TLCD3B: variants seen among roughly 807,000 people sequenced by gnomAD.
TLCD3B encodes ceramide synthase.
A neutral mutation model predicts 23.0 loss-of-function variants in TLCD3B; 9 were observed. The ratio of observed to expected loss-of-function variants is 0.39; its 90% CI spans 0.24 to 0.68. TLCD3B has a LOEUF of 0.68. Ranked by LOEUF, TLCD3B falls within the 30% of genes least tolerant of loss-of-function variation. The pLI is 0.44. For synonymous variants in TLCD3B, 161 were observed against 161.0 expected (o/e 1.00, Z 0.00); for missense variants, 307 against 371.8 (o/e 0.83, Z 1.43).
In TLCD3B at chr16:30,029,341, C is replaced by T; in HGVS notation, c.209+91G>A. ...AAGTTAAGGGCTTGGGGACCACAGA[C>T]AGAGTTCCCTCCAAGATGTGGGGTC... On this transcript the variant is annotated intron_variant, in intron 2 of 4. Coordinates refer to ENST00000380495, the MANE Select transcript of TLCD3B (RefSeq NM_031478.6). This position sits in a 1 kb window ranked among gnomAD's most constrained non-coding sequence, Gnocchi z 4.6. The T allele has an allele frequency of 8.5e-7, 1 of 1,177,222 alleles. No individual in the cohort carries two copies. Among genetic ancestry groups the T allele is most frequent in the Admixed American group, 1.9e-5 (1 of 52,254 alleles). 72.9% of individuals were successfully genotyped at this position (1,177,222 alleles called of 1,614,324 possible).
rs201365633 is a variant in TLCD3B at position 30,039,103 on chromosome 16, C to A, written c.-67+1892G>T. 6.7e-3 allele frequency among the ~76,000 whole-genome samples: 662 copies of A among 99,364 alleles called. 7 individuals carry two copies. The highest frequency in any genetic ancestry group is 9.8e-3 in the South Asian group (30 of 3,072). 65.2% of individuals were successfully genotyped at this position (99,364 alleles called of 152,430 possible). A position where few individuals can be genotyped will look rare whatever the true frequency, so the allele number is the denominator to read the frequency against. On this transcript the variant is annotated intron_variant, in intron 3 of 6. Coordinates refer to the TLCD3B transcript ENST00000561666. The stretch of plus-strand genomic sequence containing the variant: ...TTATCCTTCTCCTCCTCCTTCCTCT[C>A]TTTTTTTTTTTTTTTTTTTTTTTTT...
intron 2 of TLCD3B, among the ~76,000 whole-genome samples, chr16:30,042,157 T>C (rs1452946492): frequency 1.3e-5 from 2 of 152,178 alleles, no homozygotes; most frequent in African/African-American, 4.8e-5. Context: ...TTGGGGGCGA[T>C]ATTATACCAG....
rs1596729687 is a variant in TLCD3B, at chr16:30,025,350, C to T, written c.658G>A (p.Gly220Ser). 1.3e-5 allele frequency: 21 copies of T among 1,591,738 alleles called. No homozygotes were observed. The highest frequency in any genetic ancestry group is 2.7e-5 in the African/African-American group (2 of 74,374). Residue 220 changes from glycine to serine, a missense_variant, in exon 5 of 5, where the codon GGC becomes AGC. By Grantham distance (56) the Gly-to-Ser change is moderately conservative. Transcript: ENST00000380495. The surrounding 1 kb of genome is among the most constrained non-coding windows in gnomAD (Gnocchi z 4.1). ...YLYWAYGRHA[G>S]LPLLAVPLAI... ...AGGGGCACGGCCAGCAGGGGCAGGCCGGCATGGCGCCCGTAGGCCCAGTAC... is the reference window on the plus strand; with the variant it reads ...AGGGGCACGGCCAGCAGGGGCAGGCTGGCATGGCGCCCGTAGGCCCAGTAC...
chr16:30,049,251 C>A (rs1228176871), intron 1 of TLCD3B, among the ~76,000 whole-genome samples: 3 of 152,168 alleles, frequency 2.0e-5, no homozygotes, highest in African/African-American at 7.2e-5. Context: ...AGGGTAATTA[C>A]CTAAACACAA....
Position 30,025,694 on chromosome 16 carries a change from T to C in TLCD3B, c.540+32A>G, listed in dbSNP as rs373930637. 84 of 1,607,226 alleles carry C rather than the reference T, an allele frequency of 5.2e-5. No homozygotes were observed. The Admixed American group carries it at 1.1e-3, about 21-fold the overall frequency. ...CCCTCCCCTTCCTGTGACCTCCCCA[T>C]TGGGCTCCTGCACCCTCCCATGCTC... On this transcript the variant is annotated intron_variant, in intron 4 of 4. Coordinates refer to ENST00000380495, the MANE Select transcript of TLCD3B (RefSeq NM_031478.6). This position sits in a 1 kb window ranked among gnomAD's most constrained non-coding sequence, Gnocchi z 4.1.
At chr16:30,048,533 G>A (rs1330579404) in intron 1 of TLCD3B, among the ~76,000 whole-genome samples, 1 of 152,106 alleles carries the variant, frequency 6.6e-6, no homozygotes, top group Non-Finnish European at 1.5e-5. Context: ...TACAACTGAG[G>A]CTCAGTGAGG....
chr16:30,052,061 C>A (rs1469933429), intron 1 of TLCD3B, among the ~76,000 whole-genome samples: 1 of 151,992 alleles, frequency 6.6e-6, no homozygotes, highest in Non-Finnish European at 1.5e-5. Context: ...AGCAAGACCA[C>A]ATCTCTAAAA....
intron 1 of TLCD3B, among the ~76,000 whole-genome samples, chr16:30,047,913 G>A (rs1252547640): frequency 1.3e-5 from 2 of 150,412 alleles, no homozygotes; most frequent in South Asian, 2.1e-4. Context: ...AGGCCAAGGC[G>A]GGTGAATTAC....
intron 3 of TLCD3B, among the ~76,000 whole-genome samples, chr16:30,037,993 A>G (rs2071506454): frequency 6.6e-6 from 1 of 152,202 alleles, no homozygotes; most frequent in African/African-American, 2.4e-5. Context: ...TGGGGAAGGT[A>G]TTGACTGGGA....
chr16:30,033,830 G>A (rs549768622), upstream of TLCD3B: 1 of 152,162 alleles, frequency 6.6e-6, no homozygotes, highest in African/African-American at 2.4e-5. Flanking sequence ...GCCGGACGTG[G>A]TGGTGCACAC....
intron 1 of TLCD3B, among the ~76,000 whole-genome samples, chr16:30,050,229 G>A (rs2071730181): frequency 1.3e-5 from 2 of 152,142 alleles, no homozygotes; most frequent in Non-Finnish European, 2.9e-5. Context: ...TGGTCCTCAG[G>A]ATTCCATCAG....
At position 30,029,957 on chromosome 16, in the gene TLCD3B, CTG is replaced by C; in HGVS notation, c.125+444_126-443del. The C allele has an allele frequency of 8.7e-7, 1 of 1,148,944 alleles. No individual in the cohort carries two copies. The highest frequency in any genetic ancestry group is 1.2e-6 in the Non-Finnish European group (1 of 845,574). The allele number at this position is 1,148,944 out of a possible 1,614,324, so 71.2% of individuals were successfully genotyped here. ...CCCGAGTTCCCCAGTCACTTTCCCA[CTG>C]TCTCCTGACTGCCACCAGCCTCCAC... is the stretch of plus-strand genomic sequence containing the variant. On this transcript the variant is annotated intron_variant, in intron 1 of 4. Coordinates refer to ENST00000380495, the MANE Select transcript of TLCD3B (RefSeq NM_031478.6). The surrounding 1 kb of genome is among the most constrained non-coding windows in gnomAD (Gnocchi z 4.6).
chr16:30,038,567 T>C (rs1312991116), intron 3 of TLCD3B, among the ~76,000 whole-genome samples: 1 of 152,126 alleles, frequency 6.6e-6, no homozygotes, highest in East Asian at 1.9e-4. Flanking sequence ...CTGACCAACA[T>C]GGTGAAACCC....
rs1250288366 is a variant in TLCD3B, at chr16:30,030,752, T to G, written c.-225A>C. The G allele has an allele frequency of 2.1e-4, 188 of 890,840 alleles. No individual in the cohort carries two copies. The highest frequency in any genetic ancestry group is 1.5e-3 in the Middle Eastern group (3 of 1,980). The allele number at this position is 890,840 out of a possible 1,614,324, so 55.2% of individuals were successfully genotyped here. A position where few individuals can be genotyped will look rare whatever the true frequency, so the allele number is the denominator to read the frequency against. ...TGGGCAGAGACGGGGGAGGGGAGGA[T>G]GGGAGAAGGGGAGCAGGAGCAGGCC... On this transcript the variant is annotated 5_prime_UTR_variant, in exon 1 of 5. Transcript: ENST00000380495.
At chr16:30,049,889 A>G (rs1458074286) in intron 1 of TLCD3B, among the ~76,000 whole-genome samples, 3 of 150,940 alleles carry the variant, frequency 2.0e-5, no homozygotes. Context: ...GCACCACTGC[A>G]CTCTAGCGTG....
At chr16:30,028,485 G>A (rs1031941213) in intron 2 of TLCD3B, among the ~76,000 whole-genome samples, 3 of 152,136 alleles carry the variant, frequency 2.0e-5, no homozygotes, top group Non-Finnish European at 4.4e-5. Flanking sequence ...GAGGGAAGGG[G>A]TGGGCAGAGG....
In TLCD3B at chr16:30,025,954, C is replaced by T; in HGVS notation, c.445-133G>A. 1 of 699,742 alleles carries T rather than the reference C, an allele frequency of 1.4e-6. No individual in the cohort carries two copies. Among genetic ancestry groups the T allele is most frequent in the Non-Finnish European group, 2.4e-6 (1 of 411,114 alleles). 43.3% of individuals were successfully genotyped at this position (699,742 alleles called of 1,614,324 possible). On this transcript the variant is annotated intron_variant, in intron 3 of 4. Transcript: ENST00000380495. The surrounding 1 kb of genome is among the most constrained non-coding windows in gnomAD (Gnocchi z 4.1). ...AACATCAGAACACCTGGGTGCAGGG[C>T]TGGGTGCAGTGGCTCACGCCGGTAA...
At chr16:30,044,717 T>G (rs891517382) in intron 2 of TLCD3B, among the ~76,000 whole-genome samples, 3 of 152,190 alleles carry the variant, frequency 2.0e-5, no homozygotes, top group African/African-American at 7.2e-5. Flanking sequence ...ACACATTTTA[T>G]AACATTCTAG....
In TLCD3B at chr16:30,029,645, C is replaced by T. The variant is rs138610410; in HGVS notation, c.126-130G>A. 1.5e-5 allele frequency: 12 copies of T among 799,556 alleles called. No homozygotes were observed. The highest frequency in any genetic ancestry group is 1.1e-4 in the South Asian group (7 of 63,140). The allele number at this position is 799,556 out of a possible 1,614,324, so 49.5% of individuals were successfully genotyped here. ...TCTCGGGCCAGTCCTTGCCTGCCTTCGCCCAAGGCTGGGCTGCCTGAGGTG... is the reference window on the plus strand; with the variant it reads ...TCTCGGGCCAGTCCTTGCCTGCCTTTGCCCAAGGCTGGGCTGCCTGAGGTG... On this transcript the variant is annotated intron_variant, in intron 1 of 4. Transcript: ENST00000380495. This position sits in a 1 kb window ranked among gnomAD's most constrained non-coding sequence, Gnocchi z 4.6.
Sources: gnomAD v4.1 joint callset for allele counts (sites outside exome capture counted in the v4.1 genomes callset) on GRCh38, gnomAD v4.1.1 for gene constraint, Gnocchi (gnomAD v3.1) non-coding constraint, MANE v1.5 for transcripts, NCBI Gene and HGNC (gene_info 2026-07-23, HGNC 2026-07-21) for gene names.